The following SPATA13 variants were observed in gnomAD, a reference collection of about 807,000 sequenced individuals.
The protein encoded by SPATA13 is spermatogenesis-associated protein 13.
A neutral mutation model predicts 104.0 loss-of-function variants in SPATA13; 50 were observed. The observed-to-expected ratio is 0.48, with a 90% CI of 0.38 to 0.61. The LOEUF is 0.61. SPATA13 is among the 20% of genes least tolerant of loss of function. The pLI, the probability that SPATA13 is intolerant of heterozygous loss-of-function variation, is 0.00. For synonymous variants in SPATA13, 606 were observed against 667.5 expected (o/e 0.91, Z 1.42); for missense variants, 1,524 against 1,690.6 (o/e 0.90, Z 1.73).
intron 3 of SPATA13, among the ~76,000 whole-genome samples, chr13:24,060,504 A>G (rs1194865938): frequency 6.6e-6 from 1 of 152,264 alleles, no homozygotes; most frequent in East Asian, 1.9e-4. Flanking sequence ...AGGCAATACC[A>G]TACTGGACAT....
At chr13:24,300,788 A>C (rs947230) in intron 12 of SPATA13, among the ~76,000 whole-genome samples, 58,551 of 152,002 alleles carry the variant, frequency 0.39, 11,842 homozygotes, top group East Asian at 0.59. Context: ...TGTTAGCCAC[A>C]AGGTCACGCA....
intron 3 of SPATA13, among the ~76,000 whole-genome samples, chr13:24,030,497 T>C (rs1877430930): frequency 6.6e-6 from 1 of 152,188 alleles, no homozygotes; most frequent in South Asian, 2.1e-4. Context: ...CCTGTGGTGC[T>C]CTCTGGTTCT....
At chr13:24,183,157 A>G (rs2138527894) in intron 1 of SPATA13, among the ~76,000 whole-genome samples, 1 of 152,350 alleles carries the variant, frequency 6.6e-6, no homozygotes, top group African/African-American at 2.4e-5. Flanking sequence ...CACTGAGTCT[A>G]AACTTTTTCA....
At chr13:24,079,029 C>T (rs1481255539) in intron 3 of SPATA13, among the ~76,000 whole-genome samples, 3 of 152,066 alleles carry the variant, frequency 2.0e-5, no homozygotes, top group East Asian at 1.9e-4. Flanking sequence ...CACAGTTCAC[C>T]GGATTTGGCC....
At chr13:24,156,623 C>A (rs950328396), upstream of SPATA13, among the ~76,000 whole-genome samples, 16 of 152,208 alleles carry the variant, frequency 1.1e-4, no homozygotes, top group African/African-American at 2.9e-4. Flanking sequence ...AGAGAGAGAT[C>A]TGCTCTAGTA....
At chr13:24,023,953 G>A (rs1427441229) in intron 3 of SPATA13, among the ~76,000 whole-genome samples, 1 of 152,196 alleles carries the variant, frequency 6.6e-6, no homozygotes, top group Non-Finnish European at 1.5e-5. Context: ...GCATGTGGAC[G>A]CTAATATCAT....
chr13:24,026,544 T>C (rs1877223253), intron 3 of SPATA13, among the ~76,000 whole-genome samples: 2 of 152,158 alleles, frequency 1.3e-5, no homozygotes, highest in Non-Finnish European at 2.9e-5. Flanking sequence ...TATGTAGGAA[T>C]TGGATACAAA....
intron 3 of SPATA13, among the ~76,000 whole-genome samples, chr13:24,098,188 C>T (rs1351549200): frequency 1.3e-5 from 2 of 151,890 alleles, no homozygotes; most frequent in Admixed American, 1.3e-4. Flanking sequence ...AAGAATAAAA[C>T]TCAAAATGGA....
chr13:24,302,737 G>A lies in SPATA13; in HGVS notation c.3798G>A (p.Trp1266Ter). 1 of 1,614,128 alleles carries A rather than the reference G, an allele frequency of 6.2e-7. No homozygotes were observed. The highest frequency in any genetic ancestry group is 2.2e-5 in the East Asian group (1 of 44,874). ...AEPKRKSSLF[W>*]HTFNRLTPFR... is the part of the protein sequence containing the mutation. ...CCAAGAGGAAGTCCTCGCTCTTCTG[G>A]CACACCTTCAACAGGCTCACCCCCT... is the stretch of plus-strand genomic sequence containing the variant. The change falls in exon 13 of 13, where the codon TGG becomes TGA. Residue 1266 changes from tryptophan to a stop codon, truncating the protein, a stop_gained. Coordinates refer to ENST00000382108, the MANE Select transcript of SPATA13 (RefSeq NM_001166271.3). LOFTEE classifies it high-confidence loss of function.
At chr13:24,047,810 G>A (rs746876402) in intron 3 of SPATA13, among the ~76,000 whole-genome samples, 17 of 152,196 alleles carry the variant, frequency 1.1e-4, no homozygotes, top group Non-Finnish European at 2.1e-4. Flanking sequence ...ACTCACCCAC[G>A]TGATCATGGA....
At chr13:24,165,375 C>T (rs1177420993) in intron 1 of SPATA13, among the ~76,000 whole-genome samples, 3 of 152,148 alleles carry the variant, frequency 2.0e-5, no homozygotes, top group African/African-American at 7.2e-5. Context: ...AGGGGAAGGG[C>T]CAGCCTTTCC....
In SPATA13 at chr13:24,030,066, GCACACA is replaced by G. The variant is rs57708966; in HGVS notation, c.-112+12384_-112+12389del. 2.0e-3 allele frequency among the ~76,000 whole-genome samples: 294 copies of G among 145,376 alleles called. 1 individual carries two copies. Among genetic ancestry groups the G allele is most frequent in the Middle Eastern group, 3.4e-3 (1 of 290 alleles). ...TCTCCTAACACACACACACACACAC[GCACACA>G]CACACACACACACACACATACATAC... On this transcript the variant is annotated intron_variant, in intron 3 of 14. Transcript: ENST00000424834.
intron 1 of SPATA13, among the ~76,000 whole-genome samples, chr13:23,982,199 C>T (rs1001076740): frequency 6.6e-6 from 1 of 152,184 alleles, no homozygotes; most frequent in African/African-American, 2.4e-5. Flanking sequence ...TTTCCACTTG[C>T]AGCCACATTA....
intron 2 of SPATA13, among the ~76,000 whole-genome samples, chr13:23,993,255 G>C (rs1875499220): frequency 6.6e-6 from 1 of 152,226 alleles, no homozygotes. Context: ...GAGCATCGCT[G>C]ATCAGCCCAG....
At chr13:24,130,568 G>A (rs893445237) in intron 3 of SPATA13, among the ~76,000 whole-genome samples, 1 of 152,324 alleles carries the variant, frequency 6.6e-6, no homozygotes, top group Non-Finnish European at 1.5e-5. Flanking sequence ...GGAACAAGGC[G>A]TTTATCAGAC....
intron 3 of SPATA13, among the ~76,000 whole-genome samples, chr13:24,068,354 T>C (rs1879039839): frequency 1.3e-5 from 2 of 152,208 alleles, no homozygotes; most frequent in South Asian, 4.1e-4. Context: ...TATTCCATGG[T>C]ATATATGTAC....
intron 3 of SPATA13, among the ~76,000 whole-genome samples, chr13:24,100,867 G>A (rs1459489408): frequency 6.6e-6 from 1 of 152,148 alleles, no homozygotes. Flanking sequence ...CTCTTGCCTT[G>A]AGTAAGTATT....
intron 3 of SPATA13, among the ~76,000 whole-genome samples, chr13:24,113,784 C>T (rs1031039956): frequency 4.2e-4 from 62 of 147,886 alleles, no homozygotes; most frequent in African/African-American, 1.2e-3. Flanking sequence ...GCAGGAGAAT[C>T]GCTTGAACCA....
At chr13:24,218,640 T>G (rs1871390230) in intron 1 of SPATA13, among the ~76,000 whole-genome samples, 1 of 152,152 alleles carries the variant, frequency 6.6e-6, no homozygotes, top group African/African-American at 2.4e-5. Context: ...GCAGGCTGCA[T>G]GTGGCCCAGG....
Sources: gnomAD v4.1 joint callset for allele counts (sites outside exome capture counted in the v4.1 genomes callset) on GRCh38, gnomAD v4.1.1 for gene constraint, MANE v1.5 for transcripts, NCBI Gene and HGNC (gene_info 2026-07-23, HGNC 2026-07-21) for gene names.